TBXAS1: variants seen among roughly 807,000 people sequenced by gnomAD.
TBXAS1 encodes thromboxane-A synthase.
Under a neutral mutation model 60.7 loss-of-function variants are expected in TBXAS1, and 48 were observed. The ratio of observed to expected loss-of-function variants is 0.79; its 90% CI spans 0.63 to 1.01. The LOEUF is 1.01. Ranked by LOEUF, TBXAS1 falls within the 50% of genes least tolerant of loss-of-function variation. TBXAS1 has a pLI of 0.00. For missense variants in TBXAS1, 685 were observed against 686.3 expected (o/e 1.00, Z 0.02); for synonymous variants, 287 against 269.7 (o/e 1.06, Z -0.63).
At chr7:139,903,257 A>G (rs1174669649) in intron 3 of TBXAS1, among the ~76,000 whole-genome samples, 1 of 152,058 alleles carries the variant, frequency 6.6e-6, no homozygotes, top group African/African-American at 2.4e-5. Flanking sequence ...CATCCAAGTC[A>G]CTGCAAATGC....
chr7:139,875,350 C>T (rs1210999116), intron 2 of TBXAS1, among the ~76,000 whole-genome samples: 1 of 152,168 alleles, frequency 6.6e-6, no homozygotes, highest in Non-Finnish European at 1.5e-5. Context: ...AGCAAGTATA[C>T]ATAAGTAGTT....
chr7:139,854,815 T>A (rs991098950), intron 1 of TBXAS1, among the ~76,000 whole-genome samples: 2 of 152,168 alleles, frequency 1.3e-5, no homozygotes, highest in South Asian at 4.1e-4. Flanking sequence ...CTTCCCCAAG[T>A]CCAAGGTAAA....
chr7:139,944,169 C>T (rs1403102170), intron 5 of TBXAS1, among the ~76,000 whole-genome samples: 1 of 152,148 alleles, frequency 6.6e-6, no homozygotes, highest in African/African-American at 2.4e-5. Context: ...CATCAGAAGC[C>T]ACTTTGGCAG....
chr7:139,924,192 A>ATTTTTAGTT (rs766901871), intron 4 of TBXAS1, among the ~76,000 whole-genome samples: 14 of 152,014 alleles, frequency 9.2e-5, no homozygotes, highest in Non-Finnish European at 1.6e-4. Flanking sequence ...TGGTAGCTCT[A>ATTTTTAGTT]TTTTTAGTTT....
At chr7:139,897,037 TG>T (rs1317735740) in intron 3 of TBXAS1, among the ~76,000 whole-genome samples, 2 of 152,150 alleles carry the variant, frequency 1.3e-5, no homozygotes, top group Admixed American at 1.3e-4. Flanking sequence ...CATTAGACGT[TG>T]GAGCTGGAAT....
At chr7:139,862,892 C>T (rs1801072800) in intron 1 of TBXAS1, among the ~76,000 whole-genome samples, 1 of 152,166 alleles carries the variant, frequency 6.6e-6, no homozygotes, top group Admixed American at 6.5e-5. Flanking sequence ...TCATGTTGTG[C>T]TTTATCCACA....
Position 139,955,343 on chromosome 7 carries a change from T to C in TBXAS1, c.540-116T>C, listed in dbSNP as rs895907472. 1.2e-5 allele frequency: 16 copies of C among 1,357,742 alleles called. No individual in the cohort carries two copies. The African/African-American group carries it at 1.9e-4, about 16-fold the overall frequency. The allele number at this position is 1,357,742 out of a possible 1,614,324, so 84.1% of individuals were successfully genotyped here. A position where few individuals can be genotyped will look rare whatever the true frequency, so the allele number is the denominator to read the frequency against. On this transcript the variant is annotated intron_variant, in intron 6 of 12. Coordinates refer to ENST00000448866, the MANE Select transcript of TBXAS1 (RefSeq NM_001061.7). ...TGCAGAAGCTCCTCTTCCAGACACA[T>C]CTGCAGGGCTGGGCAAGCCAGTGTA...
chr7:140,018,366 T>A (rs1182937841), intron 12 of TBXAS1, among the ~76,000 whole-genome samples: 1 of 152,128 alleles, frequency 6.6e-6, no homozygotes, highest in Non-Finnish European at 1.5e-5. Context: ...CAGCTTTGCC[T>A]TCCCCCCTTG....
intron 4 of TBXAS1, chr7:139,789,484 C>A (rs1244805896): frequency 6.6e-6 from 1 of 152,100 alleles, no homozygotes; most frequent in Admixed American, 6.6e-5. Context: ...TGGGCTCAAG[C>A]AATCCTCCCA....
intron 9 of TBXAS1, among the ~76,000 whole-genome samples, chr7:140,000,696 AT>A (rs1385737514): frequency 6.7e-6 from 1 of 148,658 alleles, no homozygotes; most frequent in Non-Finnish European, 1.5e-5. Flanking sequence ...TTTTATTTCC[AT>A]GTTTCCCAAT....
chr7:139,936,379 C>A (rs1807793773), intron 5 of TBXAS1, 72 bp downstream of exon 5: 3 of 1,451,766 alleles, frequency 2.1e-6, no homozygotes, highest in Non-Finnish European at 2.9e-6. Flanking sequence ...TGATGAGAGC[C>A]AGTTCATGTT....
intron 9 of TBXAS1, chr7:139,963,114 C>T (rs1810504346): frequency 6.6e-6 from 1 of 152,200 alleles, no homozygotes; most frequent in Non-Finnish European, 1.5e-5. Context: ...AATGTCTCTT[C>T]TTCACAGCAG....
chr7:139,784,635 C>A (rs1315019908), intron 3 of TBXAS1, among the ~76,000 whole-genome samples: 1 of 152,120 alleles, frequency 6.6e-6, no homozygotes, highest in Non-Finnish European at 1.5e-5. Context: ...GCTAAACATG[C>A]AAAGCAAGGC....
chr7:139,897,569 G>C (rs1360621996), intron 3 of TBXAS1, among the ~76,000 whole-genome samples: 1 of 152,186 alleles, frequency 6.6e-6, no homozygotes, highest in East Asian at 1.9e-4. Context: ...CAGAATGATG[G>C]AGACAGAAAC....
At chr7:139,846,679 G>A (rs1569499659) in intron 1 of TBXAS1, among the ~76,000 whole-genome samples, 1 of 152,208 alleles carries the variant, frequency 6.6e-6, no homozygotes, top group Non-Finnish European at 1.5e-5. Context: ...TGAAAAGTGA[G>A]GAGAGGCGTA....
chr7:139,880,503 C>G (rs1344037703), intron 3 of TBXAS1, among the ~76,000 whole-genome samples: 3 of 152,174 alleles, frequency 2.0e-5, no homozygotes, highest in Admixed American at 2.0e-4. Flanking sequence ...TACACTTGCT[C>G]CCACCCTGGG....
intron 5 of TBXAS1, among the ~76,000 whole-genome samples, chr7:139,940,468 G>C (rs1277016535): frequency 1.3e-5 from 2 of 152,070 alleles, no homozygotes; most frequent in African/African-American, 2.4e-5. Context: ...AATTTCTAAG[G>C]GTAACTGAGA....
intron 9 of TBXAS1, among the ~76,000 whole-genome samples, chr7:139,966,882 C>G (rs768220437): frequency 1.8e-4 from 28 of 152,326 alleles, no homozygotes; most frequent in Admixed American, 5.2e-4. Context: ...CTCCCCCACC[C>G]CTGCTGGGCC....
At chr7:139,930,075 G>A (rs773337056) in intron 4 of TBXAS1, among the ~76,000 whole-genome samples, 44 of 152,106 alleles carry the variant, frequency 2.9e-4, no homozygotes, top group Non-Finnish European at 5.1e-4. Flanking sequence ...CCCTCCAGCC[G>A]CGCCACATCC....
Sources: allele counts gnomAD v4.1 joint callset (sites outside exome capture counted in the v4.1 genomes callset), GRCh38; gene constraint gnomAD v4.1.1; transcripts MANE v1.5; gene names NCBI Gene and HGNC (gene_info 2026-07-23, HGNC 2026-07-21).